Variants in SPOCK3 observed in about 807,000 individuals in gnomAD.
SPOCK3 encodes SPARC (osteonectin), cwcv and kazal like domains proteoglycan 3.
SPOCK3 carries 30 observed loss-of-function variants against 56.6 expected under a neutral mutation model. That is an observed-to-expected ratio of 0.53 (90% confidence interval 0.40 to 0.72). SPOCK3 has a LOEUF of 0.72. Ranked by LOEUF, SPOCK3 falls within the 30% of genes least tolerant of loss-of-function variation. The pLI is 0.00. For synonymous variants in SPOCK3, 196 were observed against 183.3 expected, an observed-to-expected ratio of 1.07 and a Z score of -0.56; for missense variants, 527 against 530.0, an observed-to-expected ratio of 0.99 and a Z score of 0.06.
chr4:166,953,599 G>A (rs572321120), intron 4 of SPOCK3, among the ~76,000 whole-genome samples: 3 of 152,174 alleles, frequency 2.0e-5, no homozygotes, highest in Non-Finnish European at 2.9e-5. Flanking sequence ...ATACCCAAAG[G>A]ACTATAAATC....
chr4:167,200,525 A>G (rs1733419959), intron 2 of SPOCK3, among the ~76,000 whole-genome samples: 1 of 152,022 alleles, frequency 6.6e-6, no homozygotes, highest in South Asian at 2.1e-4. Context: ...TTTTTCGTAC[A>G]TTTCAAACCT....
At chr4:166,766,256 G>C (rs1174828076) in intron 7 of SPOCK3, among the ~76,000 whole-genome samples, 2 of 152,122 alleles carry the variant, frequency 1.3e-5, no homozygotes, top group African/African-American at 4.8e-5. Flanking sequence ...GAGCATCCCT[G>C]TCTTGTGCCA....
intron 2 of SPOCK3, among the ~76,000 whole-genome samples, chr4:167,224,072 C>T (rs1736347284): frequency 6.6e-6 from 1 of 151,962 alleles, no homozygotes; most frequent in Non-Finnish European, 1.5e-5. Context: ...GGTTAGAAAA[C>T]AGCCATTAAT....
intron 6 of SPOCK3, among the ~76,000 whole-genome samples, chr4:166,812,617 T>C (rs915044564): frequency 1.3e-5 from 2 of 151,970 alleles, no homozygotes; most frequent in Non-Finnish European, 2.9e-5. Flanking sequence ...TTAGAAATAG[T>C]GCTTCTATTT....
chr4:167,164,332 T>G (rs1372491768), intron 2 of SPOCK3, among the ~76,000 whole-genome samples: 1 of 152,126 alleles, frequency 6.6e-6, no homozygotes, highest in Non-Finnish European at 1.5e-5. Flanking sequence ...AATTTAAAAG[T>G]ATTTATTTGT....
At chr4:166,987,562 C>A (rs1310992733) in intron 4 of SPOCK3, among the ~76,000 whole-genome samples, 5 of 152,076 alleles carry the variant, frequency 3.3e-5, no homozygotes, top group South Asian at 2.1e-4. Flanking sequence ...TACTGGCTCA[C>A]AATAGATGAT....
intron 3 of SPOCK3, among the ~76,000 whole-genome samples, chr4:167,053,499 A>G (rs1321369534): frequency 6.6e-6 from 1 of 152,190 alleles, no homozygotes; most frequent in African/African-American, 2.4e-5. Context: ...ACCCTGGCCA[A>G]CATGGTGAAA....
intron 2 of SPOCK3, chr4:167,102,609 A>T (rs1389977188): frequency 6.6e-6 from 1 of 152,180 alleles, no homozygotes. Context: ...TGCTGAACTC[A>T]TTGCCCTGAA....
intron 7 of SPOCK3, among the ~76,000 whole-genome samples, chr4:166,774,041 A>G (rs185037031): frequency 6.6e-6 from 1 of 152,350 alleles, no homozygotes; most frequent in East Asian, 1.9e-4. Context: ...CTTGTAAGGT[A>G]CAAATATAAG....
At chr4:167,135,953 T>G (rs1181061133) in intron 2 of SPOCK3, among the ~76,000 whole-genome samples, 2 of 152,132 alleles carry the variant, frequency 1.3e-5, no homozygotes, top group Non-Finnish European at 2.9e-5. Flanking sequence ...AAAGTACATG[T>G]GAAAACCCTC....
At chr4:166,896,215 G>C (rs1413139907) in intron 5 of SPOCK3, among the ~76,000 whole-genome samples, 3 of 152,106 alleles carry the variant, frequency 2.0e-5, no homozygotes, top group Non-Finnish European at 4.4e-5. Flanking sequence ...TTCTTAATAT[G>C]GGAGTCACCA....
intron 6 of SPOCK3, among the ~76,000 whole-genome samples, chr4:166,802,603 G>A (rs1742730042): frequency 6.6e-6 from 1 of 151,974 alleles, no homozygotes; most frequent in Non-Finnish European, 1.5e-5. Flanking sequence ...CAGCCTTTAT[G>A]ACCTAATCAC....
intron 6 of SPOCK3, among the ~76,000 whole-genome samples, chr4:166,846,766 C>T (rs1465238346): frequency 1.3e-5 from 2 of 151,886 alleles, no homozygotes; most frequent in African/African-American, 2.4e-5. Flanking sequence ...TGGTAATTTG[C>T]AAGGCAATTT....
chr4:167,212,400 C>A (rs1734963000), intron 2 of SPOCK3, among the ~76,000 whole-genome samples: 1 of 151,924 alleles, frequency 6.6e-6, no homozygotes, highest in African/African-American at 2.4e-5. Flanking sequence ...CAGCACCATG[C>A]CTGGCTACTT....
At chr4:166,995,270 G>T (rs1748237438) in intron 4 of SPOCK3, among the ~76,000 whole-genome samples, 1 of 150,590 alleles carries the variant, frequency 6.6e-6, no homozygotes, top group African/African-American at 2.4e-5. Context: ...TGTGCATACA[G>T]ATATCAAATT....
intron 2 of SPOCK3, among the ~76,000 whole-genome samples, chr4:167,090,163 C>T (rs577918314): frequency 3.9e-5 from 6 of 152,190 alleles, no homozygotes; most frequent in African/African-American, 7.2e-5. Flanking sequence ...CTGAGTCATA[C>T]GGTATGTGTA....
intron 7 of SPOCK3, among the ~76,000 whole-genome samples, chr4:166,767,316 G>C (rs545783172): frequency 6.2e-5 from 9 of 145,914 alleles, no homozygotes; most frequent in African/African-American, 2.2e-4. Context: ...GCTTTCTCTT[G>C]TGGGCATTTA....
chr4:166,790,110 C>T (rs564899622), intron 7 of SPOCK3, among the ~76,000 whole-genome samples: 31 of 152,214 alleles, frequency 2.0e-4, no homozygotes, highest in African/African-American at 7.5e-4. Flanking sequence ...CATTCATTAA[C>T]TCCTTTCAGT....
At chr4:166,765,270 G>C (rs1388012335) in intron 7 of SPOCK3, among the ~76,000 whole-genome samples, 1 of 152,158 alleles carries the variant, frequency 6.6e-6, no homozygotes, top group African/African-American at 2.4e-5. Flanking sequence ...CCATGCCTAT[G>C]TCCTGAATGG....
Sources: allele counts gnomAD v4.1 joint callset (sites outside exome capture counted in the v4.1 genomes callset), GRCh38; gene constraint gnomAD v4.1.1; transcripts MANE v1.5; gene names NCBI Gene and HGNC (gene_info 2026-07-23, HGNC 2026-07-21).